Variants in CTNNA3 observed in about 807,000 individuals in gnomAD.
CTNNA3 encodes catenin alpha-3.
Under a neutral mutation model 95.7 loss-of-function variants are expected in CTNNA3, and 76 were observed. That is an observed-to-expected ratio of 0.79 (90% CI 0.66 to 0.96). The LOEUF (loss-of-function observed/expected upper bound fraction) is 0.96. Ranked by LOEUF, CTNNA3 falls within the 40% of genes least tolerant of loss-of-function variation. The probability of loss-of-function intolerance (pLI) is 0.00; values close to 1 mark genes in which losing one functional copy is unlikely to be tolerated. For synonymous variants in CTNNA3, 431 were observed against 374.4 expected (o/e 1.15, Z -1.74); for missense variants, 1,191 against 1,089.8 (o/e 1.09, Z -1.31).
At chr10:66,871,198 A>G (rs568396128) in intron 7 of CTNNA3, among the ~76,000 whole-genome samples, 2 of 152,306 alleles carry the variant, frequency 1.3e-5, no homozygotes, top group East Asian at 3.9e-4. Context: ...AGAAAATCAT[A>G]TAAACACCAG....
chr10:66,627,610 A>G (rs946510486), intron 9 of CTNNA3, among the ~76,000 whole-genome samples: 6 of 152,136 alleles, frequency 3.9e-5, no homozygotes, highest in Non-Finnish European at 7.4e-5. Flanking sequence ...AACAAAGTTG[A>G]AAGCTGGTAA....
intron 9 of CTNNA3, among the ~76,000 whole-genome samples, chr10:66,706,909 C>A (rs541863481): frequency 1.3e-5 from 2 of 151,866 alleles, no homozygotes; most frequent in African/African-American, 4.8e-5. Context: ...GGAAGGAGAA[C>A]CAAGACTGAA....
chr10:66,577,269 A>T (rs2931268), intron 10 of CTNNA3, among the ~76,000 whole-genome samples: 1 of 151,896 alleles, frequency 6.6e-6, no homozygotes, highest in Non-Finnish European at 1.5e-5. Context: ...TCTCCCATTC[A>T]GAAGGTTGTC....
intron 17 of CTNNA3, among the ~76,000 whole-genome samples, chr10:65,944,662 G>T (rs187260728): frequency 6.6e-6 from 1 of 152,128 alleles, no homozygotes; most frequent in East Asian, 1.9e-4. Flanking sequence ...GCTGGCATAT[G>T]GAATGTTTCA....
At chr10:66,674,209 C>T (rs921050242) in intron 9 of CTNNA3, among the ~76,000 whole-genome samples, 4 of 151,920 alleles carry the variant, frequency 2.6e-5, no homozygotes, top group South Asian at 2.1e-4. Context: ...TGGGATAACT[C>T]CTTGGGTTTG....
chr10:67,208,817 AAATT>A (rs58845505), intron 6 of CTNNA3, among the ~76,000 whole-genome samples: 7 of 138,026 alleles, frequency 5.1e-5, no homozygotes, highest in South Asian at 2.6e-4. Context: ...ATTCCTTATG[AAATT>A]AATTAATCTA....
rs563390166 is a variant in CTNNA3 at position 67,462,190 on chromosome 10, T to G, written c.579+59652A>C. Among the ~76,000 whole-genome samples, 3 of 152,266 alleles carry G rather than the reference T, an allele frequency of 2.0e-5. No individual in the cohort carries two copies. The East Asian group carries it at 5.8e-4, about 29-fold the overall frequency. On this transcript the variant is annotated intron_variant, in intron 5 of 17. Coordinates refer to ENST00000433211, the MANE Select transcript of CTNNA3 (RefSeq NM_013266.4). ...TAAGCACCTAATTCTCTCTGTTCCC[T>G]CAATTCCAAGTGAAAATGTCTAGAG... is the stretch of plus-strand genomic sequence containing the variant.
intron 7 of CTNNA3, among the ~76,000 whole-genome samples, chr10:67,176,145 G>A (rs1862234629): frequency 3.3e-5 from 5 of 152,088 alleles, no homozygotes; most frequent in Admixed American, 3.3e-4. Context: ...AATAGGGCTG[G>A]ATGTGGATCC....
At chr10:67,165,054 AC>A (rs1861702180) in intron 7 of CTNNA3, among the ~76,000 whole-genome samples, 1 of 152,210 alleles carries the variant, frequency 6.6e-6, no homozygotes, top group Non-Finnish European at 1.5e-5. Flanking sequence ...AAAAATCTGT[AC>A]CCAATTGTTC....
chr10:67,680,204 T>G (rs988505187), intron 1 of CTNNA3, among the ~76,000 whole-genome samples: 1 of 152,094 alleles, frequency 6.6e-6, no homozygotes, highest in Non-Finnish European at 1.5e-5. Flanking sequence ...TGTTTACCTT[T>G]CAGTTGCTGG....
intron 7 of CTNNA3, among the ~76,000 whole-genome samples, chr10:67,015,717 T>G (rs909045580): frequency 2.0e-5 from 3 of 151,666 alleles, no homozygotes; most frequent in Admixed American, 6.6e-5. Context: ...TTTCTTCTTT[T>G]TATTTTTTAT....
intron 7 of CTNNA3, among the ~76,000 whole-genome samples, chr10:67,142,370 A>G (rs768823417): frequency 3.3e-5 from 5 of 152,310 alleles, no homozygotes; most frequent in Admixed American, 6.5e-5. Flanking sequence ...GTACATACTC[A>G]CATGAAAAAT....
At chr10:67,160,004 G>A (rs562226846) in intron 7 of CTNNA3, among the ~76,000 whole-genome samples, 2 of 152,150 alleles carry the variant, frequency 1.3e-5, no homozygotes, top group Non-Finnish European at 2.9e-5. Context: ...AAACAGATCA[G>A]TAATTCAAGC....
intron 7 of CTNNA3, among the ~76,000 whole-genome samples, chr10:67,043,132 T>C (rs1854508093): frequency 3.7e-5 from 2 of 53,610 alleles, no homozygotes; most frequent in Non-Finnish European, 5.0e-5. Context: ...GCTCACTTTC[T>C]TTCTTTTTTT....
intron 9 of CTNNA3, among the ~76,000 whole-genome samples, chr10:66,759,818 A>G (rs566328064): frequency 9.7e-4 from 147 of 152,322 alleles, no homozygotes; most frequent in Admixed American, 2.7e-3. Flanking sequence ...ATATCTCATT[A>G]ATGGCTTTTA....
At chr10:67,695,684 ATATCT>A (rs1191600135) in intron 1 of CTNNA3, among the ~76,000 whole-genome samples, 1 of 152,152 alleles carries the variant, frequency 6.6e-6, no homozygotes, top group Non-Finnish European at 1.5e-5. Flanking sequence ...CATCCAGGCC[ATATCT>A]TATCTTTTCC....
At chr10:66,025,936 C>A (rs994817162) in intron 15 of CTNNA3, among the ~76,000 whole-genome samples, 6 of 152,176 alleles carry the variant, frequency 3.9e-5, no homozygotes, top group African/African-American at 1.4e-4. Context: ...TATGAACATA[C>A]ACACACACTC....
chr10:67,038,684 A>G (rs1052652170), intron 7 of CTNNA3, among the ~76,000 whole-genome samples: 3 of 152,090 alleles, frequency 2.0e-5, no homozygotes, highest in Non-Finnish European at 2.9e-5. Flanking sequence ...TTTCCTATCA[A>G]TTCCTAAGGT....
At chr10:67,563,683 A>G (rs1439316010) in intron 3 of CTNNA3, among the ~76,000 whole-genome samples, 1 of 152,196 alleles carries the variant, frequency 6.6e-6, no homozygotes, top group African/African-American at 2.4e-5. Context: ...AGCAAAAGAA[A>G]CTACCATCAG....
Sources: allele counts gnomAD v4.1 joint callset (sites outside exome capture counted in the v4.1 genomes callset), GRCh38; gene constraint gnomAD v4.1.1; transcripts MANE v1.5; gene names NCBI Gene and HGNC (gene_info 2026-07-23, HGNC 2026-07-21).